The following PHC2 variants were observed in gnomAD, a reference collection of about 807,000 sequenced individuals.
PHC2 encodes polyhomeotic homolog 2.
PHC2 carries 29 observed loss-of-function variants against 87.4 expected under a neutral mutation model. That is an observed-to-expected ratio of 0.33 (90% CI 0.25 to 0.45). PHC2 has a LOEUF of 0.45. PHC2 is among the 20% of genes least tolerant of loss of function. The pLI, the probability that PHC2 is intolerant of heterozygous loss-of-function variation, is 1.00. For missense variants in PHC2, 857 were observed against 1,136.7 expected (o/e 0.75, Z 3.54); for synonymous variants, 438 against 461.7 (o/e 0.95, Z 0.66).
In PHC2 at chr1:33,419,863, C is replaced by T. The variant is rs934676595; in HGVS notation, c.-55+11113G>A. Among the ~76,000 whole-genome samples, 3 of 152,174 alleles carry T rather than the reference C, an allele frequency of 2.0e-5. No individual in the cohort carries two copies. The East Asian group carries it at 5.8e-4, about 30-fold the overall frequency. On this transcript the variant is annotated intron_variant, in intron 1 of 14. Transcript: ENST00000683057. ...TGACCTCGTGATCCACCCGCCTCGG[C>T]CTCCCAAAGTGCTGGGATTACAGGC... is the stretch of plus-strand genomic sequence containing the variant.
Position 33,332,526 on chromosome 1 carries a change from T to C in PHC2, c.1762-122A>G, listed in dbSNP as rs1270393244. ...ACAGAGGCCAGCCCTCCTCAAACCT[T>C]CCCCCATGTCATCATCCAAGTGTGC... On this transcript the variant is annotated intron_variant, in intron 10 of 14. Transcript: ENST00000683057. This position sits in a 1 kb window ranked among gnomAD's most constrained non-coding sequence, Gnocchi z 4.2. 1.7e-6 allele frequency: 2 copies of C among 1,152,622 alleles called. No homozygotes were observed. The highest frequency in any genetic ancestry group is 2.5e-6 in the Non-Finnish European group (2 of 791,322). 71.4% of individuals were successfully genotyped at this position (1,152,622 alleles called of 1,614,324 possible).
intron 2 of PHC2, 131 bp from the exon 3 acceptor site, chr1:33,372,578 C>T: frequency 1.5e-6 from 1 of 670,010 alleles, no homozygotes. Flanking sequence ...ACCACCACCA[C>T]AGCCAATTGT....
At chr1:33,350,005 G>C (rs1646936403) in intron 9 of PHC2, 1 of 263,534 alleles carries the variant, frequency 3.8e-6, no homozygotes. Context: ...CACGGGCCGC[G>C]CGCTTCCTTT....
chr1:33,331,492 G>A lies in PHC2; in HGVS notation c.1892-30C>T, dbSNP rs1295436337. On this transcript the variant is annotated intron_variant, in intron 11 of 14. Transcript: ENST00000683057. The surrounding 1 kb of genome is among the most constrained non-coding windows in gnomAD (Gnocchi z 5.2). Reference sequence around the variant, plus strand: ...AAAGTATAGAAATGGGTAGGGTGGAGAATGAGAAATTCCTGCAGGACTGTG... The same window carrying A: ...AAAGTATAGAAATGGGTAGGGTGGAAAATGAGAAATTCCTGCAGGACTGTG... 1.5e-6 allele frequency: 2 copies of A among 1,333,900 alleles called. No homozygotes were observed. The highest frequency in any genetic ancestry group is 2.3e-5 in the East Asian group (1 of 43,366). The allele number at this position is 1,333,900 out of a possible 1,614,324, so 82.6% of individuals were successfully genotyped here.
intron 1 of PHC2, among the ~76,000 whole-genome samples, chr1:33,416,796 A>G (rs183120410): frequency 2.2e-4 from 33 of 152,198 alleles, no homozygotes; most frequent in Non-Finnish European, 2.9e-4. Context: ...AAAAATATTA[A>G]AGAAAGTTAT....
intron 7 of PHC2, among the ~76,000 whole-genome samples, chr1:33,366,076 G>A (rs985344608): frequency 6.6e-6 from 1 of 152,176 alleles, no homozygotes; most frequent in Non-Finnish European, 1.5e-5. Context: ...ACACTCTAGG[G>A]AAAAATAAAA....
At chr1:33,390,408 C>T (rs1302168727) in intron 1 of PHC2, among the ~76,000 whole-genome samples, 1 of 152,166 alleles carries the variant, frequency 6.6e-6, no homozygotes, top group Non-Finnish European at 1.5e-5. Context: ...TCTGGATGTT[C>T]ATCATCTACT....
intron 8 of PHC2, 64 bp downstream of exon 8, chr1:33,354,774 T>TG: frequency 6.5e-7 from 1 of 1,537,924 alleles, no homozygotes; most frequent in Non-Finnish European, 8.9e-7. Context: ...TTGACGGGGC[T>TG]GTGGGGTCGT....
chr1:33,400,915 T>C (rs1464855977), intron 1 of PHC2, among the ~76,000 whole-genome samples: 1 of 152,170 alleles, frequency 6.6e-6, no homozygotes, highest in East Asian at 1.9e-4. Flanking sequence ...CGCATCATCA[T>C]CTCATTCTTG....
rs762549908 is a variant in PHC2 at position 33,334,839 on chromosome 1, A to G, written c.1559-547T>C. On this transcript the variant is annotated intron_variant, in intron 9 of 14. Coordinates refer to ENST00000683057, the MANE Select transcript of PHC2 (RefSeq NM_001385109.1). This position sits in a 1 kb window ranked among gnomAD's most constrained non-coding sequence, Gnocchi z 5.5. ...GATGCCAAGGGAATGTGGGTGCTGAACCCCAAGTAAAGGCTATCATGTATA... is the reference window on the plus strand; with the variant it reads ...GATGCCAAGGGAATGTGGGTGCTGAGCCCCAAGTAAAGGCTATCATGTATA... Among the ~76,000 whole-genome samples, 5 of 152,196 alleles carry G rather than the reference A, an allele frequency of 3.3e-5. No homozygotes were observed. The highest frequency in any genetic ancestry group is 5.9e-5 in the Non-Finnish European group (4 of 68,042).
rs1648550150 is a variant in PHC2 at position 33,382,756 on chromosome 1, G to A, written c.-54-7163C>T. On this transcript the variant is annotated intron_variant, in intron 1 of 14. Coordinates refer to ENST00000683057, the MANE Select transcript of PHC2 (RefSeq NM_001385109.1). The surrounding 1 kb of genome is among the most constrained non-coding windows in gnomAD (Gnocchi z 4.3). ...GCCTGAGACCAGCAGCTGGAGAAACGCTGATGGTTCTGCCCTCCCAGGAGC... is the reference window on the plus strand; with the variant it reads ...GCCTGAGACCAGCAGCTGGAGAAACACTGATGGTTCTGCCCTCCCAGGAGC... 1.3e-5 allele frequency among the ~76,000 whole-genome samples: 2 copies of A among 152,192 alleles called. 1 individual carries two copies. Among genetic ancestry groups the A allele is most frequent in the South Asian group, 4.1e-4 (2 of 4,828 alleles).
At chr1:33,376,539 T>C (rs1307100290) in intron 1 of PHC2, among the ~76,000 whole-genome samples, 1 of 152,228 alleles carries the variant, frequency 6.6e-6, no homozygotes, top group Non-Finnish European at 1.5e-5. Flanking sequence ...TCTCACCCTA[T>C]CAGCCTTTTC....
Position 33,382,882 on chromosome 1 carries a change from A to G in PHC2, c.-54-7289T>C, listed in dbSNP as rs112734364. ...AGAGGTTCCGGGAAAGCAGAGGGGA[A>G]GGATACTGAAAACCTCTCTCCAAAT... On this transcript the variant is annotated intron_variant, in intron 1 of 14. Transcript: ENST00000683057. The surrounding 1 kb of genome is among the most constrained non-coding windows in gnomAD (Gnocchi z 4.3). Among the ~76,000 whole-genome samples the G allele has an allele frequency of 1.7e-3, 256 of 152,290 alleles. 5 individuals are homozygous for G. The highest frequency in any genetic ancestry group is 5.1e-3 in the African/African-American group (212 of 41,566).
chr1:33,391,063 CAA>C (rs761635829), intron 1 of PHC2, among the ~76,000 whole-genome samples: 1 of 152,164 alleles, frequency 6.6e-6, no homozygotes, highest in Non-Finnish European at 1.5e-5. Context: ...CAGAGATTTT[CAA>C]AGAGTGAGGT....
intron 1 of PHC2, among the ~76,000 whole-genome samples, chr1:33,387,273 G>T (rs1212663303): frequency 6.6e-6 from 1 of 152,112 alleles, no homozygotes; most frequent in Non-Finnish European, 1.5e-5. Context: ...TGACTGTACG[G>T]GGTGCCCTGT....
intron 2 of PHC2, among the ~76,000 whole-genome samples, chr1:33,374,436 A>T (rs1648043660): frequency 6.6e-6 from 1 of 152,182 alleles, no homozygotes; most frequent in Non-Finnish European, 1.5e-5. Context: ...GGAAACATGG[A>T]TTCACTAAGC....
In PHC2 at chr1:33,378,647, A is replaced by T. The variant is rs78889142; in HGVS notation, c.-54-3054T>A. Among the ~76,000 whole-genome samples the T allele has an allele frequency of 5.8e-4, 89 of 152,294 alleles. No homozygotes were observed. The East Asian group carries it at 0.014, about 23-fold the overall frequency. On this transcript the variant is annotated intron_variant, in intron 1 of 14. Transcript: ENST00000683057. ...AATCATACTGAATTGCACACTTAAA[A>T]TCTAGTCATATTCTGACCTTCCCTC...
intron 9 of PHC2, among the ~76,000 whole-genome samples, chr1:33,336,224 G>GCCTCCT (rs1269479669): frequency 6.6e-6 from 1 of 151,974 alleles, no homozygotes; most frequent in African/African-American, 2.4e-5. Flanking sequence ...CCTGATCTCA[G>GCCTCCT]GTGGTCCACC....
intron 1 of PHC2, among the ~76,000 whole-genome samples, chr1:33,418,817 C>CTA (rs1404874287): frequency 6.6e-6 from 1 of 152,098 alleles, no homozygotes; most frequent in Non-Finnish European, 1.5e-5. Flanking sequence ...TAAAGGCTAC[C>CTA]TAATGGAAAA....
Sources: allele counts gnomAD v4.1 joint callset (sites outside exome capture counted in the v4.1 genomes callset), GRCh38; gene constraint gnomAD v4.1.1; non-coding constraint Gnocchi (gnomAD v3.1); transcripts MANE v1.5; gene names NCBI Gene and HGNC (gene_info 2026-07-23, HGNC 2026-07-21).